The following DOCK3 variants were observed in gnomAD, a reference collection of about 807,000 sequenced individuals.
DOCK3 encodes dedicator of cytokinesis protein 3.
DOCK3 carries 60 observed loss-of-function variants against 265.6 expected under a neutral mutation model. The observed-to-expected ratio is 0.23, with a 90% CI of 0.18 to 0.28. DOCK3 has a LOEUF of 0.28. Among genes scored for constraint, DOCK3 ranks in the 10% least tolerant of loss-of-function variants. DOCK3 has a pLI of 1.00. For synonymous variants in DOCK3, 881 were observed against 938.0 expected, an observed-to-expected ratio of 0.94 and a Z score of 1.11; for missense variants, 1,981 against 2,594.3, an observed-to-expected ratio of 0.76 and a Z score of 5.14.
chr3:50,750,231 G>T (rs2039704979), intron 1 of DOCK3, among the ~76,000 whole-genome samples: 1 of 45,898 alleles, frequency 2.2e-5, no homozygotes, highest in African/African-American at 5.9e-5. Flanking sequence ...CCTGGCCCTG[G>T]GTCCATGGAA....
At chr3:50,895,795 T>C (rs1191950622) in intron 4 of DOCK3, among the ~76,000 whole-genome samples, 1 of 152,204 alleles carries the variant, frequency 6.6e-6, no homozygotes, top group Non-Finnish European at 1.5e-5. Flanking sequence ...GTTAGTTTGC[T>C]GAGAATTATG....
At chr3:51,074,851 TTAAAAA>T (rs1408034044) in intron 6 of DOCK3, among the ~76,000 whole-genome samples, 1 of 151,942 alleles carries the variant, frequency 6.6e-6, no homozygotes, top group Non-Finnish European at 1.5e-5. Flanking sequence ...ACCCCAGAAC[TTAAAAA>T]TAAAAAATTA....
chr3:51,214,810 C>T (rs780212942), intron 14 of DOCK3, among the ~76,000 whole-genome samples: 7 of 152,132 alleles, frequency 4.6e-5, no homozygotes, highest in South Asian at 4.1e-4. Context: ...TCTAATGCCC[C>T]GTGGAGAGCC....
At chr3:50,693,459 A>G (rs1278239011) in intron 1 of DOCK3, among the ~76,000 whole-genome samples, 1 of 145,996 alleles carries the variant, frequency 6.8e-6, no homozygotes, top group Non-Finnish European at 1.5e-5. Flanking sequence ...ATACCTAAGC[A>G]TTGTATTTCT....
At chr3:51,084,960 A>G (rs2082368300) in intron 7 of DOCK3, among the ~76,000 whole-genome samples, 1 of 152,216 alleles carries the variant, frequency 6.6e-6, no homozygotes, top group African/African-American at 2.4e-5. Flanking sequence ...AACGACACAC[A>G]TAGACTGAAA....
At chr3:50,989,920 G>C (rs59914222) in intron 5 of DOCK3, among the ~76,000 whole-genome samples, 3 of 152,144 alleles carry the variant, frequency 2.0e-5, no homozygotes, top group Non-Finnish European at 4.4e-5. Context: ...AAGTGATACA[G>C]GAGCTGAAGG....
chr3:51,133,301 T>C (rs1050104302), intron 9 of DOCK3, among the ~76,000 whole-genome samples: 5 of 145,202 alleles, frequency 3.4e-5, no homozygotes, highest in African/African-American at 5.1e-5. Flanking sequence ...CTCCTAATGC[T>C]ATCCCTCCCC....
intron 5 of DOCK3, among the ~76,000 whole-genome samples, chr3:51,034,469 T>C (rs1053411864): frequency 2.0e-5 from 3 of 152,116 alleles, no homozygotes; most frequent in African/African-American, 7.2e-5. Context: ...GTTAGTATTG[T>C]TCCACTTCAC....
At chr3:50,787,265 G>A (rs1292533816) in intron 2 of DOCK3, 9 of 495,086 alleles carry the variant, frequency 1.8e-5, no homozygotes, top group South Asian at 1.4e-4. Flanking sequence ...TAAATACCCT[G>A]GGGCACACGC....
chr3:50,769,096 G>A (rs1195718500), intron 1 of DOCK3, among the ~76,000 whole-genome samples: 2 of 149,048 alleles, frequency 1.3e-5, no homozygotes, highest in Non-Finnish European at 3.0e-5. Flanking sequence ...TTTTGCTACC[G>A]AGTTGAGTTC....
chr3:50,687,841 G>C (rs1224160845), intron 1 of DOCK3, among the ~76,000 whole-genome samples: 1 of 152,130 alleles, frequency 6.6e-6, no homozygotes, highest in African/African-American at 2.4e-5. Context: ...GAATAGTTCT[G>C]CAGCTGTGGT....
At chr3:51,220,444 G>A (rs1436056256) in intron 14 of DOCK3, among the ~76,000 whole-genome samples, 1 of 151,848 alleles carries the variant, frequency 6.6e-6, no homozygotes, top group Non-Finnish European at 1.5e-5. Flanking sequence ...ATCACCTGAG[G>A]TCAGGAGTTC....
At chr3:51,294,602 C>T (rs1005806057) in intron 27 of DOCK3, among the ~76,000 whole-genome samples, 2 of 149,926 alleles carry the variant, frequency 1.3e-5, no homozygotes, top group Non-Finnish European at 2.9e-5. Context: ...GGCGTGAACC[C>T]GGGAGGCGGA....
intron 37 of DOCK3, among the ~76,000 whole-genome samples, chr3:51,340,354 G>A (rs2085160248): frequency 6.6e-6 from 1 of 152,196 alleles, no homozygotes; most frequent in African/African-American, 2.4e-5. Context: ...AGAGAGAAAA[G>A]GCTTCCTGAT....
At chr3:51,237,646 T>A (rs1026280728) in intron 21 of DOCK3, 56 bp downstream of exon 21, 3 of 1,470,560 alleles carry the variant, frequency 2.0e-6, no homozygotes, top group African/African-American at 2.8e-5. Flanking sequence ...AATATAGGCT[T>A]TAAAAAAGTT....
At chr3:50,809,605 A>G (rs1363099238) in intron 2 of DOCK3, among the ~76,000 whole-genome samples, 4 of 152,230 alleles carry the variant, frequency 2.6e-5, no homozygotes, top group Non-Finnish European at 5.9e-5. Context: ...AAATGTTAGT[A>G]TCAGCTTTGT....
At chr3:51,020,532 G>A (rs945236052) in intron 5 of DOCK3, among the ~76,000 whole-genome samples, 4 of 151,750 alleles carry the variant, frequency 2.6e-5, no homozygotes, top group Admixed American at 6.6e-5. Flanking sequence ...TTTTCATCAC[G>A]AAATCTTTGC....
intron 30 of DOCK3, 72 bp downstream of exon 30, chr3:51,312,648 T>C (rs2109589015): frequency 7.0e-7 from 1 of 1,419,102 alleles, no homozygotes; most frequent in Non-Finnish European, 9.6e-7. Context: ...GAGAGTTCTT[T>C]CAGAGGTCCA....
chr3:50,693,509 A>G (rs996851506), intron 1 of DOCK3, among the ~76,000 whole-genome samples: 2 of 103,516 alleles, frequency 1.9e-5, no homozygotes, highest in Non-Finnish European at 4.3e-5. Context: ...TCCTTTTCAT[A>G]TTGTTCATTA....
Sources: allele counts gnomAD v4.1 joint callset (sites outside exome capture counted in the v4.1 genomes callset), GRCh38; gene constraint gnomAD v4.1.1; transcripts MANE v1.5; gene names NCBI Gene and HGNC (gene_info 2026-07-23, HGNC 2026-07-21).